Variants in KALRN observed in about 807,000 individuals in gnomAD.
The protein encoded by KALRN is kalirin RhoGEF kinase, also known as kalirin.
A neutral mutation model predicts 353.7 loss-of-function variants in KALRN; 70 were observed. The observed-to-expected ratio is 0.20, with a 90% CI of 0.16 to 0.24. KALRN has a LOEUF of 0.24. KALRN is among the 10% of genes least tolerant of loss of function. The pLI is 1.00. For synonymous variants in KALRN, 1,391 were observed against 1,434.8 expected (o/e 0.97, Z 0.69); for missense variants, 2,791 against 3,756.7 (o/e 0.74, Z 6.72).
intron 49 of KALRN, chr3:124,675,232 G>A (rs572471909): frequency 6.6e-6 from 1 of 152,038 alleles, no homozygotes; most frequent in African/African-American, 2.4e-5. Context: ...CCTTATTTTG[G>A]TTGCAAGACC....
intron 33 of KALRN, among the ~76,000 whole-genome samples, chr3:124,514,550 A>G (rs1321987050): frequency 6.6e-6 from 1 of 152,220 alleles, no homozygotes; most frequent in African/African-American, 2.4e-5. Context: ...CTCTCCTGTC[A>G]TTCCCACAAC....
intron 34 of KALRN, among the ~76,000 whole-genome samples, chr3:124,588,283 C>T (rs2075415405): frequency 6.6e-6 from 1 of 152,180 alleles, no homozygotes; most frequent in Admixed American, 6.5e-5. Context: ...ACTAGCTAGA[C>T]TGTCCTTCAA....
At chr3:124,642,486 G>A (rs35593328) in intron 37 of KALRN, among the ~76,000 whole-genome samples, 17,139 of 152,014 alleles carry the variant, frequency 0.11, 1,048 homozygotes, top group African/African-American at 0.13. Flanking sequence ...TTGGTGGCCT[G>A]GCACCCTGAG....
At chr3:124,452,565 T>G (rs2058896041) in intron 21 of KALRN, among the ~76,000 whole-genome samples, 1 of 152,122 alleles carries the variant, frequency 6.6e-6, no homozygotes, top group South Asian at 2.1e-4. Context: ...AGAGTGGGAA[T>G]GAGTAGGAAC....
Position 124,305,894 on chromosome 3 carries a change from G to GA in KALRN, c.1092+6989dup, listed in dbSNP as rs202197685. The stretch of plus-strand genomic sequence containing the variant: ...AAAAAAGGAGTAAAAATATGTACTA[G>GA]AAAAAAAATAAAAAACAGTCAATAG... On this transcript the variant is annotated intron_variant, in intron 6 of 59. Coordinates refer to ENST00000682506, the MANE Select transcript of KALRN (RefSeq NM_001388419.1). 6.6e-5 allele frequency among the ~76,000 whole-genome samples: 10 copies of GA among 151,524 alleles called. No individual in the cohort carries two copies. The East Asian group carries it at 1.5e-3, about 23-fold the overall frequency.
intron 33 of KALRN, among the ~76,000 whole-genome samples, chr3:124,530,568 T>C (rs2109139577): frequency 6.6e-6 from 1 of 152,178 alleles, no homozygotes; most frequent in South Asian, 2.1e-4. Flanking sequence ...ATTTTTGTAT[T>C]TTTTTGTAGA....
intron 1 of KALRN, among the ~76,000 whole-genome samples, chr3:124,199,011 G>A (rs1208763260): frequency 1.3e-5 from 2 of 152,198 alleles, no homozygotes; most frequent in Non-Finnish European, 2.9e-5. Flanking sequence ...CAGGTACCAG[G>A]GATCAAAGTA....
At position 124,173,614 on chromosome 3, in the gene KALRN, C is replaced by G. The variant is rs1560144542; in HGVS notation, c.74-54376C>G. On this transcript the variant is annotated intron_variant, in intron 1 of 59. Coordinates refer to ENST00000682506, the MANE Select transcript of KALRN (RefSeq NM_001388419.1). ...AGGAAAGGGACCAAGGTTTCCTGTG[C>G]TTTTTTTAATTATTATTTTTGAGAC... Among the ~76,000 whole-genome samples, 5 of 152,116 alleles carry G rather than the reference C, an allele frequency of 3.3e-5. No homozygotes were observed. The South Asian group carries it at 8.3e-4, about 25-fold the overall frequency.
At chr3:124,674,776 C>A in intron 49 of KALRN, 162 bp downstream of exon 49, 2 of 670,120 alleles carry the variant, frequency 3.0e-6, no homozygotes, top group Non-Finnish European at 2.3e-6. Context: ...CCATATGCAA[C>A]ATGGGGCATC....
At position 124,404,097 on chromosome 3, in the gene KALRN, A is replaced by G. The variant is rs1366231677; in HGVS notation, c.2346+5226A>G. 6.8e-5 allele frequency among the ~76,000 whole-genome samples: 9 copies of G among 132,738 alleles called. No homozygotes were observed. In the Admixed American group the frequency reaches 6.8e-4, roughly 10 times the overall value. 87.1% of individuals were successfully genotyped at this position (132,738 alleles called of 152,430 possible). On this transcript the variant is annotated intron_variant, in intron 13 of 59. Coordinates refer to ENST00000682506, the MANE Select transcript of KALRN (RefSeq NM_001388419.1). ...AAAGGAGGGAGCTCATCATCTCACTATTGTGTTGAACCAAAATCTCCACCT... is the reference window on the plus strand; with the variant it reads ...AAAGGAGGGAGCTCATCATCTCACTGTTGTGTTGAACCAAAATCTCCACCT...
chr3:124,430,586 T>A (rs1257776884), intron 15 of KALRN, 70 bp from the exon 16 acceptor site: 1 of 1,578,038 alleles, frequency 6.3e-7, no homozygotes, highest in African/African-American at 1.3e-5. Context: ...GAAGTCCCCA[T>A]GAGAGGAGGC....
At chr3:124,283,696 TG>T (rs1423617572) in intron 5 of KALRN, among the ~76,000 whole-genome samples, 1 of 152,224 alleles carries the variant, frequency 6.6e-6, no homozygotes, top group Non-Finnish European at 1.5e-5. Context: ...ATTAATGACT[TG>T]GTGAGATTTT....
intron 34 of KALRN, among the ~76,000 whole-genome samples, chr3:124,610,616 C>G (rs1372342540): frequency 1.4e-5 from 2 of 143,292 alleles, no homozygotes; most frequent in African/African-American, 5.8e-5. Context: ...TCGCCTCTCT[C>G]TAGATATTAA....
intron 1 of KALRN, among the ~76,000 whole-genome samples, chr3:124,185,248 A>G (rs1560174854): frequency 6.6e-6 from 1 of 152,142 alleles, no homozygotes; most frequent in Non-Finnish European, 1.5e-5. Flanking sequence ...ACTCCTGAGC[A>G]CAAACCATCT....
At chr3:124,142,573 T>A (rs1165873798) in intron 1 of KALRN, among the ~76,000 whole-genome samples, 1 of 152,170 alleles carries the variant, frequency 6.6e-6, no homozygotes, top group Non-Finnish European at 1.5e-5. Flanking sequence ...ACCAGGGTTT[T>A]TCAGTGGTTC....
rs149949071 is a variant in KALRN, at chr3:124,280,343, C to T, written c.969+11088C>T. 4.6e-5 allele frequency among the ~76,000 whole-genome samples: 7 copies of T among 152,184 alleles called. No homozygotes were observed. The South Asian group carries it at 1.5e-3, about 32-fold the overall frequency. On this transcript the variant is annotated intron_variant, in intron 5 of 59. Coordinates refer to ENST00000682506, the MANE Select transcript of KALRN (RefSeq NM_001388419.1). ...CAGAATCTACCCTCCTGTAGTTACA[C>T]CCTGCAGTCCCATCTCTGTCTCCCA...
intron 34 of KALRN, among the ~76,000 whole-genome samples, chr3:124,588,156 A>G (rs2075402624): frequency 6.6e-6 from 1 of 152,234 alleles, no homozygotes; most frequent in Non-Finnish European, 1.5e-5. Context: ...ATGCATTTAT[A>G]ACTGCCTTTT....
At chr3:124,446,476 T>G (rs1021635839) in intron 20 of KALRN, among the ~76,000 whole-genome samples, 200 bp downstream of exon 20, 1 of 152,148 alleles carries the variant, frequency 6.6e-6, no homozygotes, top group African/African-American at 2.4e-5. Context: ...CCAGGAGATG[T>G]GAGGAAATGC....
At chr3:124,448,966 C>G (rs566286637) in intron 21 of KALRN, among the ~76,000 whole-genome samples, 2 of 152,306 alleles carry the variant, frequency 1.3e-5, no homozygotes, top group East Asian at 3.9e-4. Context: ...TCTATGTTCT[C>G]TGTCCCTCCT....
Sources: gnomAD v4.1 joint callset for allele counts (sites outside exome capture counted in the v4.1 genomes callset) on GRCh38, gnomAD v4.1.1 for gene constraint, MANE v1.5 for transcripts, NCBI Gene and HGNC (gene_info 2026-07-23, HGNC 2026-07-21) for gene names.